CHD6: variants seen among roughly 807,000 people sequenced by gnomAD.
CHD6 encodes the protein ATP-dependent chromatin remodeler CHD6.
Under a neutral mutation model 276.9 loss-of-function variants are expected in CHD6, and 50 were observed. The observed-to-expected ratio is 0.18, with a 90% CI of 0.14 to 0.23. The LOEUF is 0.23. Ranked by LOEUF, CHD6 falls within the 10% of genes least tolerant of loss-of-function variation. CHD6 has a pLI of 1.00. For missense variants in CHD6, 2,564 were observed against 3,365.8 expected, an observed-to-expected ratio of 0.76 and a Z score of 5.89; for synonymous variants, 1,173 against 1,229.3, an observed-to-expected ratio of 0.95 and a Z score of 0.96.
intron 1 of CHD6, among the ~76,000 whole-genome samples, chr20:41,561,024 G>A (rs1196595240): frequency 6.6e-6 from 1 of 152,078 alleles, no homozygotes; most frequent in Non-Finnish European, 1.5e-5. Flanking sequence ...TATGGAACAG[G>A]AGTCAGCAAG....
chr20:41,597,546 G>A (rs2045730385), intron 1 of CHD6, among the ~76,000 whole-genome samples: 1 of 151,994 alleles, frequency 6.6e-6, no homozygotes, highest in South Asian at 2.1e-4. Context: ...AACCCACCTG[G>A]GAAGGACCCC....
At chr20:41,498,118 G>T in intron 7 of CHD6, 50 bp downstream of exon 7, 1 of 1,296,824 alleles carries the variant, frequency 7.7e-7, no homozygotes, top group Non-Finnish European at 1.1e-6. Flanking sequence ...GAGAAAAAAA[G>T]TTTTATTCAT....
intron 5 of CHD6, among the ~76,000 whole-genome samples, chr20:41,505,467 C>T (rs779931584): frequency 1.3e-5 from 2 of 152,128 alleles, no homozygotes; most frequent in Non-Finnish European, 2.9e-5. Context: ...TTTGTTTGGG[C>T]CAAACCTGAT....
intron 25 of CHD6, among the ~76,000 whole-genome samples, chr20:41,442,005 T>C (rs1460368160): frequency 6.6e-6 from 1 of 152,238 alleles, no homozygotes; most frequent in East Asian, 1.9e-4. Flanking sequence ...AGAATAGGTT[T>C]GCCACAGAAA....
intron 5 of CHD6, among the ~76,000 whole-genome samples, chr20:41,502,983 C>T (rs762490600): frequency 1.3e-5 from 2 of 152,046 alleles, no homozygotes; most frequent in Non-Finnish European, 2.9e-5. Flanking sequence ...CCAGCCTGGG[C>T]GACAGAGTGA....
chr20:41,570,264 C>G (rs1283611885), intron 1 of CHD6, among the ~76,000 whole-genome samples: 1 of 152,208 alleles, frequency 6.6e-6, no homozygotes, highest in Non-Finnish European at 1.5e-5. Flanking sequence ...AGTATCAATT[C>G]TTAAAGGCTC....
At chr20:41,556,414 T>C (rs181491882) in intron 1 of CHD6, among the ~76,000 whole-genome samples, 1 of 148,792 alleles carries the variant, frequency 6.7e-6, no homozygotes, top group Non-Finnish European at 1.5e-5. Context: ...AATGTGCCAC[T>C]AGATCTATGA....
chr20:41,513,014 C>T lies in CHD6; in HGVS notation c.703-19G>A, dbSNP rs756625737. 36 of 1,613,622 alleles carry T rather than the reference C, an allele frequency of 2.2e-5. No homozygotes were observed. Among genetic ancestry groups the T allele is most frequent in the Middle Eastern group, 3.3e-4 (2 of 6,078 alleles). On this transcript the variant is annotated intron_variant, in intron 4 of 36. Coordinates refer to ENST00000373233, the MANE Select transcript of CHD6 (RefSeq NM_032221.5). ...GTCGTTTCTGTAGGGCAAACACACC[C>T]GTCAGAGAAGCTCTCTGAGTGAAAG... is the stretch of plus-strand genomic sequence containing the variant.
chr20:41,618,082 G>T (rs937080818), intron 1 of CHD6, among the ~76,000 whole-genome samples: 5 of 148,938 alleles, frequency 3.4e-5, no homozygotes, highest in Non-Finnish European at 7.5e-5. Context: ...AAGCGGGAGC[G>T]GGAGCAGTAG....
At chr20:41,479,245 T>A (rs1269143510) in intron 16 of CHD6, among the ~76,000 whole-genome samples, 1 of 151,964 alleles carries the variant, frequency 6.6e-6, no homozygotes, top group East Asian at 1.9e-4. Flanking sequence ...ACCAAGAGAA[T>A]GGGGCAAAAA....
chr20:41,571,282 A>G (rs1271283168), intron 1 of CHD6, among the ~76,000 whole-genome samples: 1 of 152,190 alleles, frequency 6.6e-6, no homozygotes, highest in African/African-American at 2.4e-5. Flanking sequence ...GTTGCTGCTT[A>G]AAGTCTTGGT....
rs1189323419 is a variant in CHD6 at position 41,504,077 on chromosome 20, C to CAAAAAAAAAAAAAAAA, written c.853-4736_853-4721dup. Among the ~76,000 whole-genome samples the CAAAAAAAAAAAAAAAA allele has an allele frequency of 3.5e-3, 94 of 27,082 alleles. 7 individuals are homozygous for CAAAAAAAAAAAAAAAA. The highest frequency in any genetic ancestry group is 0.012 in the East Asian group (8 of 678). The allele number at this position is 27,082 out of a possible 152,430, so 17.8% of individuals were successfully genotyped here. A position where few individuals can be genotyped will look rare whatever the true frequency, so the allele number is the denominator to read the frequency against. ...TGGGTGATAGAGTGAGACTCTGTCT[C>CAAAAAAAAAAAAAAAA]AAAAAAAAAAAAAAAAAAAAAAAAA... On this transcript the variant is annotated intron_variant, in intron 5 of 36. Transcript: ENST00000373233.
chr20:41,591,031 TA>T (rs1430251170), intron 1 of CHD6, among the ~76,000 whole-genome samples: 19 of 151,540 alleles, frequency 1.3e-4, no homozygotes, highest in Non-Finnish European at 2.1e-4. Context: ...TATGCAGCCA[TA>T]AAAAAATGAT....
rs889130619 is a variant in CHD6, at chr20:41,452,123, T to C, written c.3324-98A>G. The stretch of plus-strand genomic sequence containing the variant: ...GAGAAACAAGAGCCATACATGCTTT[T>C]TGTTCTCTGTAGGTCTGTTAATCAT... On this transcript the variant is annotated intron_variant, in intron 21 of 36. Transcript: ENST00000373233. This position sits in a 1 kb window ranked among gnomAD's most constrained non-coding sequence, Gnocchi z 4.2. 1 of 933,072 alleles carries C rather than the reference T, an allele frequency of 1.1e-6. No homozygotes were observed. The highest frequency in any genetic ancestry group is 1.7e-6 in the Non-Finnish European group (1 of 588,330). 57.8% of individuals were successfully genotyped at this position (933,072 alleles called of 1,614,324 possible).
chr20:41,475,809 G>A (rs972130650), intron 16 of CHD6, among the ~76,000 whole-genome samples: 1 of 152,144 alleles, frequency 6.6e-6, no homozygotes, highest in African/African-American at 2.4e-5. Flanking sequence ...ACAGCCTTAA[G>A]GGGGAGGGGA....
intron 17 of CHD6, among the ~76,000 whole-genome samples, chr20:41,472,176 G>A (rs1242817764): frequency 6.6e-6 from 1 of 151,858 alleles, no homozygotes; most frequent in African/African-American, 2.4e-5. Flanking sequence ...GGCAGGCAGA[G>A]GTTGCAGTGA....
At chr20:41,472,094 C>T (rs1000218490) in intron 17 of CHD6, among the ~76,000 whole-genome samples, 2 of 151,928 alleles carry the variant, frequency 1.3e-5, no homozygotes, top group African/African-American at 4.8e-5. Flanking sequence ...ATTAGCCAGG[C>T]GTGGTGGCAG....
At position 41,402,560 on chromosome 20, in the gene CHD6, A is replaced by G. The variant is rs1312272945; in HGVS notation, c.*2033T>C. 3 of 229,780 alleles carry G rather than the reference A, an allele frequency of 1.3e-5. No individual in the cohort carries two copies. The highest frequency in any genetic ancestry group is 2.6e-5 in the Non-Finnish European group (3 of 115,902). 14.2% of individuals were successfully genotyped at this position (229,780 alleles called of 1,614,324 possible). On this transcript the variant is annotated 3_prime_UTR_variant, in exon 37 of 37. Transcript: ENST00000373233. Reference sequence around the variant, plus strand: ...GAAAACCAGACTCTGCTGGATGTCTATAATACTCATTTGCAGTAAGGCTTT... The same window carrying G: ...GAAAACCAGACTCTGCTGGATGTCTGTAATACTCATTTGCAGTAAGGCTTT...
intron 1 of CHD6, among the ~76,000 whole-genome samples, chr20:41,555,711 G>A (rs1480307947): frequency 4.0e-5 from 6 of 149,900 alleles, no homozygotes; most frequent in Non-Finnish European, 8.9e-5. Flanking sequence ...GGGCAGAGAC[G>A]CTCCTCACTT....
Sources: gnomAD v4.1 joint callset for allele counts (sites outside exome capture counted in the v4.1 genomes callset) on GRCh38, gnomAD v4.1.1 for gene constraint, Gnocchi (gnomAD v3.1) non-coding constraint, MANE v1.5 for transcripts, NCBI Gene and HGNC (gene_info 2026-07-23, HGNC 2026-07-21) for gene names.